Variants in AGBL4 observed in about 807,000 individuals in gnomAD.
The protein encoded by AGBL4 is AGBL carboxypeptidase 4, also known as cytosolic carboxypeptidase 6.
Under a neutral mutation model 66.4 loss-of-function variants are expected in AGBL4, and 58 were observed. The ratio of observed to expected loss-of-function variants is 0.87; its 90% CI spans 0.71 to 1.09. The LOEUF is 1.09. Among genes scored for constraint, AGBL4 ranks in the 50% least tolerant of loss-of-function variants. The probability of loss-of-function intolerance (pLI) is 0.00; values close to 1 mark genes in which losing one functional copy is unlikely to be tolerated. For missense variants in AGBL4, 579 were observed against 631.0 expected (o/e 0.92, Z 0.88); for synonymous variants, 234 against 222.9 (o/e 1.05, Z -0.44).
chr1:49,011,358 A>G (rs977629851), intron 5 of AGBL4, among the ~76,000 whole-genome samples: 7 of 151,518 alleles, frequency 4.6e-5, no homozygotes, highest in Non-Finnish European at 8.9e-5. Flanking sequence ...TTAGAATGGC[A>G]ATCATTAAAA....
At chr1:48,759,810 G>A (rs1166581812) in intron 6 of AGBL4, among the ~76,000 whole-genome samples, 1 of 152,150 alleles carries the variant, frequency 6.6e-6, no homozygotes, top group Admixed American at 6.5e-5. Context: ...AGATGGAAAG[G>A]ATGTTAAAAA....
At chr1:49,447,695 C>T (rs990249712) in intron 3 of AGBL4, among the ~76,000 whole-genome samples, 2 of 152,186 alleles carry the variant, frequency 1.3e-5, no homozygotes, top group African/African-American at 4.8e-5. Context: ...CAGCAGTCTG[C>T]AGCAGAGATG....
intron 5 of AGBL4, among the ~76,000 whole-genome samples, chr1:48,974,202 G>T (rs1329020942): frequency 3.3e-5 from 5 of 152,130 alleles, no homozygotes; most frequent in Non-Finnish European, 7.4e-5. Flanking sequence ...CTGCAGTGCA[G>T]TTCTAAGGAA....
chr1:49,017,178 T>C (rs1662885450), intron 5 of AGBL4, among the ~76,000 whole-genome samples: 1 of 152,228 alleles, frequency 6.6e-6, no homozygotes. Flanking sequence ...AATGCACGCA[T>C]GTACTAGTAT....
intron 5 of AGBL4, among the ~76,000 whole-genome samples, chr1:48,909,811 G>A (rs1652931808): frequency 6.6e-6 from 1 of 152,146 alleles, no homozygotes; most frequent in Non-Finnish European, 1.5e-5. Flanking sequence ...TATTGAGAAG[G>A]AATTGAAAGC....
At chr1:49,760,866 T>C (rs967961198) in intron 2 of AGBL4, among the ~76,000 whole-genome samples, 3 of 152,214 alleles carry the variant, frequency 2.0e-5, no homozygotes, top group Non-Finnish European at 4.4e-5. Flanking sequence ...TCATGTCCTT[T>C]GCAGAGACAT....
At chr1:49,842,394 T>C (rs2148042536) in intron 2 of AGBL4, 2 of 661,262 alleles carry the variant, frequency 3.0e-6, no homozygotes, top group Non-Finnish European at 4.4e-6. Flanking sequence ...CCAGGTGAGA[T>C]GGGAGCCCTT....
intron 4 of AGBL4, among the ~76,000 whole-genome samples, chr1:49,149,689 C>T (rs1006283252): frequency 2.0e-5 from 3 of 152,012 alleles, no homozygotes; most frequent in East Asian, 1.9e-4. Flanking sequence ...GTATTTGTAG[C>T]GGTACCATGA....
At chr1:48,750,605 G>T (rs868692562) in intron 6 of AGBL4, among the ~76,000 whole-genome samples, 5 of 152,326 alleles carry the variant, frequency 3.3e-5, no homozygotes, top group Middle Eastern at 3.4e-3. Flanking sequence ...AGGTGGCAAG[G>T]GGGGCTTAAC....
Position 48,884,738 on chromosome 1 carries a change from G to A in AGBL4, c.595-17508C>T, listed in dbSNP as rs1650141654. On this transcript the variant is annotated intron_variant, in intron 5 of 13. Coordinates refer to ENST00000371839, the MANE Select transcript of AGBL4 (RefSeq NM_032785.4). ...TTCTCTGCAAGTAGAGTACCACATT[G>A]GATCCTCCTTGTCTCTGTTTCAGTG... Among the ~76,000 whole-genome samples, 3 of 152,008 alleles carry A rather than the reference G, an allele frequency of 2.0e-5. No individual in the cohort carries two copies. In the South Asian group the frequency reaches 6.2e-4, roughly 31 times the overall value.
At chr1:49,435,356 T>C (rs1645881238) in intron 3 of AGBL4, among the ~76,000 whole-genome samples, 1 of 152,188 alleles carries the variant, frequency 6.6e-6, no homozygotes, top group African/African-American at 2.4e-5. Context: ...CTCTAACCAG[T>C]AGATAAGAGC....
chr1:49,438,504 A>C (rs1645954564), intron 3 of AGBL4, among the ~76,000 whole-genome samples: 1 of 152,202 alleles, frequency 6.6e-6, no homozygotes, highest in South Asian at 2.1e-4. Context: ...AGGCTAACTC[A>C]AGAATATAAA....
intron 5 of AGBL4, among the ~76,000 whole-genome samples, chr1:48,979,959 C>T (rs1019756235): frequency 2.6e-5 from 4 of 152,088 alleles, no homozygotes; most frequent in African/African-American, 9.7e-5. Context: ...GAGTTTTAAA[C>T]AGTTCATTCT....
intron 3 of AGBL4, among the ~76,000 whole-genome samples, chr1:49,271,530 A>G (rs917522011): frequency 4.6e-5 from 7 of 151,668 alleles, no homozygotes; most frequent in African/African-American, 1.7e-4. Context: ...ACACACACAC[A>G]CACACACACA....
intron 3 of AGBL4, among the ~76,000 whole-genome samples, chr1:49,352,476 G>C (rs1487494780): frequency 6.9e-6 from 1 of 144,984 alleles, no homozygotes; most frequent in Non-Finnish European, 1.5e-5. Flanking sequence ...TGCTTAATCT[G>C]CACTGGGGTC....
chr1:48,634,442 T>G, intron 9 of AGBL4, 51 bp downstream of exon 9: 1 of 1,447,628 alleles, frequency 6.9e-7, no homozygotes, highest in Non-Finnish European at 9.5e-7. Flanking sequence ...TGCTGCCCTT[T>G]CCCAGATCAA....
intron 5 of AGBL4, among the ~76,000 whole-genome samples, chr1:48,880,345 G>T (rs956396644): frequency 6.6e-6 from 1 of 152,072 alleles, no homozygotes; most frequent in Admixed American, 6.5e-5. Flanking sequence ...ATATATACCA[G>T]TTTCTTTATC....
intron 4 of AGBL4, among the ~76,000 whole-genome samples, chr1:49,139,743 C>G (rs527878835): frequency 1.3e-5 from 2 of 152,176 alleles, no homozygotes; most frequent in Non-Finnish European, 2.9e-5. Flanking sequence ...TTATGAGGGC[C>G]AAATGAGATT....
chr1:49,279,909 G>A (rs1282134035), intron 3 of AGBL4, among the ~76,000 whole-genome samples: 1 of 152,192 alleles, frequency 6.6e-6, no homozygotes, highest in African/African-American at 2.4e-5. Flanking sequence ...AAACCACCAT[G>A]CTAGGAGGAT....
Sources: allele counts gnomAD v4.1 joint callset (sites outside exome capture counted in the v4.1 genomes callset), GRCh38; gene constraint gnomAD v4.1.1; transcripts MANE v1.5; gene names NCBI Gene and HGNC (gene_info 2026-07-23, HGNC 2026-07-21).